Variants in POGLUT3 observed in about 807,000 individuals in gnomAD.
POGLUT3 encodes KDEL (Lys-Asp-Glu-Leu) containing 2.
POGLUT3 carries 48 observed loss-of-function variants against 54.3 expected under a neutral mutation model. The observed-to-expected ratio is 0.88, with a 90% confidence interval of 0.70 to 1.12. The LOEUF is 1.12. Ranked by LOEUF, POGLUT3 falls within the 50% of genes most tolerant of loss-of-function variation. The pLI is 0.00. For missense variants in POGLUT3, 629 were observed against 618.7 expected, an observed-to-expected ratio of 1.02 and a Z score of -0.18; for synonymous variants, 218 against 237.4, an observed-to-expected ratio of 0.92 and a Z score of 0.75.
chr11:108,491,137 G>A lies in POGLUT3; in HGVS notation c.233C>T (p.Ser78Phe). 6.6e-7 allele frequency: 1 copy of A among 1,508,812 alleles called. No homozygotes were observed. Among genetic ancestry groups the A allele is most frequent in the Non-Finnish European group, 9.0e-7 (1 of 1,113,588 alleles). The allele number at this position is 1,508,812 out of a possible 1,614,324, so 93.5% of individuals were successfully genotyped here. A position where few individuals can be genotyped will look rare whatever the true frequency, so the allele number is the denominator to read the frequency against. The part of the protein sequence containing the change: ...GETPFKVVVK[S>F]LSPKELVRIH... Reference sequence around the variant, plus strand: ...CCGGACCAACTCTTTAGGTGAAAGAGATTTGACTACGACTTTGAATGGTGT... The same window carrying A: ...CCGGACCAACTCTTTAGGTGAAAGAAATTTGACTACGACTTTGAATGGTGT... Residue 78 changes from serine (S) to phenylalanine (F), a missense_variant, in exon 2 of 8, where the codon TCT becomes TTT. Ser to Phe is a radical substitution (Grantham distance 155). Coordinates refer to ENST00000323468, the MANE Select transcript of POGLUT3 (RefSeq NM_153705.5).
rs923412119 is a variant in POGLUT3 at position 108,472,724 on chromosome 11, A to T, written c.*2103T>A. 5 of 152,238 alleles carry T rather than the reference A, an allele frequency of 3.3e-5. No individual in the cohort carries two copies. The highest frequency in any genetic ancestry group is 7.3e-5 in the Non-Finnish European group (5 of 68,046). The allele number at this position is 152,238 out of a possible 1,614,324, so 9.4% of individuals were successfully genotyped here. ...TTAGCACCTGGAATTTGAGGCAGAA[A>T]GGTATGAGTTAGGCAACCTTTCTTG... On this transcript the variant is annotated 3_prime_UTR_variant, in exon 8 of 8. Transcript: ENST00000323468.
At position 108,474,936 on chromosome 11, in the gene POGLUT3, T is replaced by C; in HGVS notation, c.1415A>G (p.Gln472Arg). 3 of 1,614,070 alleles carry C rather than the reference T, an allele frequency of 1.9e-6. No homozygotes were observed. The highest frequency in any genetic ancestry group is 2.5e-6 in the Non-Finnish European group (3 of 1,179,978). ...ATCACGTACTTCGGGTTTGCTGGAC[T>C]GGCGCTCGGCATATTTCTGAAACGT... ...YQVLQKYAER[Q>R]SSKPEVRDGM... is the part of the protein sequence containing the mutation. The change falls in exon 8 of 8, where the codon CAG (glutamine) becomes CGG (arginine). Residue 472 changes from glutamine (Q) to arginine (R), a missense_variant. Physicochemically the swap from Gln to Arg is conservative, Grantham distance 43 (BLOSUM62 1). Coordinates refer to ENST00000323468, the MANE Select transcript of POGLUT3 (RefSeq NM_153705.5).
chr11:108,493,808 A>AAC (rs1271075245), intron 1 of POGLUT3, among the ~76,000 whole-genome samples: 10 of 151,196 alleles, frequency 6.6e-5, no homozygotes, highest in Non-Finnish European at 1.5e-5. Flanking sequence ...TGTCTCAAAA[A>AAC]AAAAAAAAAA....
intron 3 of POGLUT3, among the ~76,000 whole-genome samples, chr11:108,484,751 A>G (rs2093599565): frequency 6.6e-6 from 1 of 152,162 alleles, no homozygotes; most frequent in Admixed American, 6.5e-5. Context: ...GTGAGACTCC[A>G]TCTCAAAGCA....
At chr11:108,480,102 C>G (rs542479706) in intron 5 of POGLUT3, among the ~76,000 whole-genome samples, 2 of 152,344 alleles carry the variant, frequency 1.3e-5, no homozygotes, top group East Asian at 3.9e-4. Context: ...TCCCAAAGTG[C>G]TGGGATTACA....
intron 1 of POGLUT3, among the ~76,000 whole-genome samples, chr11:108,497,210 G>A (rs910238814): frequency 6.6e-6 from 1 of 152,214 alleles, no homozygotes; most frequent in Non-Finnish European, 1.5e-5. Context: ...AGACATCAAA[G>A]AAGTATTTCT....
Position 108,496,085 on chromosome 11 carries a change from A to T in POGLUT3, c.202+2080T>A, listed in dbSNP as rs558557522. Among the ~76,000 whole-genome samples, 11 of 152,278 alleles carry T rather than the reference A, an allele frequency of 7.2e-5. No homozygotes were observed. The East Asian group carries it at 2.1e-3, about 29-fold the overall frequency. On this transcript the variant is annotated intron_variant, in intron 1 of 7. Transcript: ENST00000323468. Reference sequence around the variant, plus strand: ...TTTTAACTGAGAGTCTTTAACATACATTAGAGATTGACAAACTAGCTAATC... The same window carrying T: ...TTTTAACTGAGAGTCTTTAACATACTTTAGAGATTGACAAACTAGCTAATC...
chr11:108,476,908 G>A (rs561998660), intron 7 of POGLUT3, among the ~76,000 whole-genome samples: 130 of 152,210 alleles, frequency 8.5e-4, no homozygotes, highest in Non-Finnish European at 1.4e-3. Flanking sequence ...GAGTAAAAAG[G>A]GATGTTAATG....
chr11:108,488,533 G>A (rs2093607716), intron 2 of POGLUT3, among the ~76,000 whole-genome samples: 1 of 152,136 alleles, frequency 6.6e-6, no homozygotes, highest in Non-Finnish European at 1.5e-5. Flanking sequence ...GGAGACCAAG[G>A]CAGCTCTAGA....
intron 3 of POGLUT3, among the ~76,000 whole-genome samples, chr11:108,484,542 C>T (rs1026205165): frequency 1.4e-4 from 21 of 152,054 alleles, no homozygotes; most frequent in African/African-American, 4.1e-4. Flanking sequence ...GGGCAGATTA[C>T]GAGGTCAGGA....
At chr11:108,484,946 T>C (rs1413854471) in intron 3 of POGLUT3, among the ~76,000 whole-genome samples, 3 of 151,114 alleles carry the variant, frequency 2.0e-5, no homozygotes, top group Non-Finnish European at 4.4e-5. Flanking sequence ...AATAGTGAGA[T>C]AAGGGGGCGC....
intron 6 of POGLUT3, 67 bp downstream of exon 6, chr11:108,479,234 G>T: frequency 9.6e-7 from 1 of 1,039,914 alleles, no homozygotes; most frequent in Non-Finnish European, 1.4e-6. Context: ...ATTGTATTGT[G>T]ATGGAACTCA....
At chr11:108,498,001 C>G (rs1479985066) in intron 1 of POGLUT3, among the ~76,000 whole-genome samples, 164 bp downstream of exon 1, 1 of 152,142 alleles carries the variant, frequency 6.6e-6, no homozygotes, top group Non-Finnish European at 1.5e-5. Flanking sequence ...GATTTTTGCC[C>G]GCTTTGAGTA....
intron 2 of POGLUT3, among the ~76,000 whole-genome samples, chr11:108,489,511 G>T (rs1288808025): frequency 1.3e-5 from 2 of 152,144 alleles, no homozygotes; most frequent in Non-Finnish European, 2.9e-5. Flanking sequence ...GAAAATGCTA[G>T]ATTTATTGTT....
At chr11:108,477,768 G>T in intron 6 of POGLUT3, 57 bp from the exon 7 acceptor site, 1 of 1,130,366 alleles carries the variant, frequency 8.8e-7, no homozygotes, top group Non-Finnish European at 1.3e-6. Flanking sequence ...CCCACAAAGA[G>T]AGGGTTAAGT....
chr11:108,477,375 C>A (rs767040460), intron 7 of POGLUT3, among the ~76,000 whole-genome samples: 28 of 152,002 alleles, frequency 1.8e-4, no homozygotes, highest in Non-Finnish European at 3.8e-4. Context: ...CTCCAGCCTG[C>A]ATGACAGAGT....
intron 3 of POGLUT3, among the ~76,000 whole-genome samples, chr11:108,484,959 T>C (rs554301521): frequency 2.0e-5 from 3 of 151,594 alleles, no homozygotes; most frequent in South Asian, 2.1e-4. Flanking sequence ...GGGGGCGCTA[T>C]TGGGGGATGT....
At chr11:108,477,399 AAAACAAAC>A (rs970498035) in intron 7 of POGLUT3, among the ~76,000 whole-genome samples, 200 bp downstream of exon 7, 1 of 152,136 alleles carries the variant, frequency 6.6e-6, no homozygotes, top group African/African-American at 2.4e-5. Flanking sequence ...ACTTCATCTC[AAAACAAAC>A]AAACAAACAA....
intron 3 of POGLUT3, among the ~76,000 whole-genome samples, chr11:108,484,540 T>C (rs1324103800): frequency 2.0e-5 from 3 of 152,042 alleles, no homozygotes; most frequent in African/African-American, 4.8e-5. Flanking sequence ...GCGGGCAGAT[T>C]ACGAGGTCAG....
Sources: gnomAD v4.1 joint callset for allele counts (sites outside exome capture counted in the v4.1 genomes callset) on GRCh38, gnomAD v4.1.1 for gene constraint, MANE v1.5 for transcripts, NCBI Gene and HGNC (gene_info 2026-07-23, HGNC 2026-07-21) for gene names.